Variants in IGSF3 observed in about 807,000 individuals in gnomAD.
IGSF3 encodes the protein glu-Trp-Ile EWI motif-containing protein 3.
A neutral mutation model predicts 114.4 loss-of-function variants in IGSF3; 23 were observed. That is an observed-to-expected ratio of 0.20 (90% CI 0.14 to 0.28). IGSF3 has a LOEUF of 0.28. IGSF3 is among the 10% of genes least tolerant of loss of function. The pLI is 1.00. For missense variants in IGSF3, 1,172 were observed against 1,591.5 expected (o/e 0.74, Z 4.48); for synonymous variants, 571 against 645.2 (o/e 0.88, Z 1.74).
Position 116,603,273 on chromosome 1 carries a change from C to T in IGSF3, c.1624+351G>A, listed in dbSNP as rs560235596. On this transcript the variant is annotated intron_variant, in intron 6 of 10. Transcript: ENST00000369486. This position sits in a 1 kb window ranked among gnomAD's most constrained non-coding sequence, Gnocchi z 7.1. ...AGGCCAGGCTGGCAGTGGCCATGCT[C>T]CTCCACCTGGGGCCACCACTATGGC... Among the ~76,000 whole-genome samples the T allele has an allele frequency of 7.2e-5, 11 of 152,278 alleles. No individual in the cohort carries two copies. Among genetic ancestry groups the T allele is most frequent in the Admixed American group, 3.9e-4 (6 of 15,308 alleles).
intron 2 of IGSF3, among the ~76,000 whole-genome samples, chr1:116,656,689 C>G (rs1648867625): frequency 6.6e-6 from 1 of 152,138 alleles, no homozygotes; most frequent in Non-Finnish European, 1.5e-5. Context: ...CTTTGGGAGT[C>G]TGGAGCAGCA....
At position 116,612,138 on chromosome 1, in the gene IGSF3, G is replaced by A. The variant is rs1162610013; in HGVS notation, c.832+1627C>T. Among the ~76,000 whole-genome samples, 1 of 151,444 alleles carries A rather than the reference G, an allele frequency of 6.6e-6. No individual in the cohort carries two copies. Among genetic ancestry groups the A allele is most frequent in the African/African-American group, 2.5e-5 (1 of 40,782 alleles). On this transcript the variant is annotated intron_variant, in intron 4 of 10. Coordinates refer to ENST00000369486, the MANE Select transcript of IGSF3 (RefSeq NM_001007237.3). This position sits in a 1 kb window ranked among gnomAD's most constrained non-coding sequence, Gnocchi z 4.1. ...ATTAAAATAAAGAAGATTAACTGAT[G>A]CAACCTAATTTAAAAGCATTAAGAC...
rs1330300445 is a variant in IGSF3, at chr1:116,612,597, G to A, written c.832+1168C>T. Among the ~76,000 whole-genome samples the A allele has an allele frequency of 2.6e-5, 4 of 152,350 alleles. No homozygotes were observed. Among genetic ancestry groups the A allele is most frequent in the Non-Finnish European group, 5.9e-5 (4 of 68,038 alleles). ...TATGCAAAGACCCAGACAACTGACT[G>A]CAGCAAATGGAACAGGGAGCCCAAG... is the stretch of plus-strand genomic sequence containing the variant. On this transcript the variant is annotated intron_variant, in intron 4 of 10. Coordinates refer to ENST00000369486, the MANE Select transcript of IGSF3 (RefSeq NM_001007237.3). This position sits in a 1 kb window ranked among gnomAD's most constrained non-coding sequence, Gnocchi z 4.1.
rs1648160656 is a variant in IGSF3 at position 116,642,647 on chromosome 1, G to A, written c.43+23637C>T. On this transcript the variant is annotated intron_variant, in intron 2 of 10. Coordinates refer to ENST00000369486, the MANE Select transcript of IGSF3 (RefSeq NM_001007237.3). The surrounding 1 kb of genome is among the most constrained non-coding windows in gnomAD (Gnocchi z 5.4). ...AGCCTCACAAGAATTAAAATTGATG[G>A]TTGGAACTGGGCGCTCCGAGGCTGT... Among the ~76,000 whole-genome samples the A allele has an allele frequency of 6.6e-6, 1 of 152,228 alleles. No individual in the cohort carries two copies. Among genetic ancestry groups the A allele is most frequent in the African/African-American group, 2.4e-5 (1 of 41,464 alleles).
chr1:116,590,385 A>C (rs1205705280), intron 7 of IGSF3, among the ~76,000 whole-genome samples: 4 of 151,866 alleles, frequency 2.6e-5, no homozygotes, highest in African/African-American at 9.7e-5. Context: ...AAAAAAAAAC[A>C]AAAAAACAAT....
rs1007404997 is a variant in IGSF3, at chr1:116,627,095, C to T, written c.44-10638G>A. Among the ~76,000 whole-genome samples, 93 of 152,160 alleles carry T rather than the reference C, an allele frequency of 6.1e-4. No homozygotes were observed. The highest frequency in any genetic ancestry group is 2.0e-3 in the African/African-American group (84 of 41,506). Reference sequence around the variant, plus strand: ...AATTACTCTGACCGCTCTTTCTTTCCGTCCGGTTTTGGAGATAACAGAAAT... The same window carrying T: ...AATTACTCTGACCGCTCTTTCTTTCTGTCCGGTTTTGGAGATAACAGAAAT... On this transcript the variant is annotated intron_variant, in intron 2 of 10. Transcript: ENST00000369486. This position sits in a 1 kb window ranked among gnomAD's most constrained non-coding sequence, Gnocchi z 4.7.
In IGSF3 at chr1:116,619,333, G is replaced by T. The variant is rs573764645; in HGVS notation, c.44-2876C>A. Among the ~76,000 whole-genome samples the T allele has an allele frequency of 3.3e-5, 5 of 152,260 alleles. No homozygotes were observed. In the South Asian group the frequency reaches 1.0e-3, roughly 32 times the overall value. Reference sequence around the variant, plus strand: ...GGCACTCGGCCAGCGGATCATGCACGTCCTCCCCACCCAATGGTAAACAGT... The same window carrying T: ...GGCACTCGGCCAGCGGATCATGCACTTCCTCCCCACCCAATGGTAAACAGT... On this transcript the variant is annotated intron_variant, in intron 2 of 10. Transcript: ENST00000369486.
Position 116,603,637 on chromosome 1 carries a change from G to A in IGSF3, c.1611C>T (p.Ser537=), listed in dbSNP as rs1660683596. The change falls in exon 6 of 11, where the codon TCC becomes TCT. Residue 537 remains serine, a synonymous_variant. Coordinates refer to ENST00000369486, the MANE Select transcript of IGSF3 (RefSeq NM_001007237.3). This position sits in a 1 kb window ranked among gnomAD's most constrained non-coding sequence, Gnocchi z 7.1. ...VGERRASTPI[S]ITALEMGFAV... ...CCGCTCACTCACCAAGAGCTGTGAT[G>A]GAGATGGGAGTGCTGGCCCGGCGCT... 2.5e-6 allele frequency: 4 copies of A among 1,613,550 alleles called. No individual in the cohort carries two copies. Among genetic ancestry groups the A allele is most frequent in the Non-Finnish European group, 1.7e-6 (2 of 1,179,596 alleles).
rs1412036228 is a variant in IGSF3, at chr1:116,595,645, G to A, written c.2029+4296C>T. ...GACAAGTCGGCTTTCCACCACTAGAGGCTGTCCTCATGGAAGCTTGTTTAT... is the reference window on the plus strand; with the variant it reads ...GACAAGTCGGCTTTCCACCACTAGAAGCTGTCCTCATGGAAGCTTGTTTAT... On this transcript the variant is annotated intron_variant, in intron 7 of 10. Transcript: ENST00000369486. This position sits in a 1 kb window ranked among gnomAD's most constrained non-coding sequence, Gnocchi z 4.2. 6.6e-6 allele frequency among the ~76,000 whole-genome samples: 1 copy of A among 152,156 alleles called. No homozygotes were observed.
rs748212667 is a variant in IGSF3, at chr1:116,610,198, G to C, written c.833-1867C>G. On this transcript the variant is annotated intron_variant, in intron 4 of 10. Coordinates refer to ENST00000369486, the MANE Select transcript of IGSF3 (RefSeq NM_001007237.3). This position sits in a 1 kb window ranked among gnomAD's most constrained non-coding sequence, Gnocchi z 4.3. ...ATTATCTCTCAGGTCAACCCAGTTA[G>C]TCATTTATAACCCAACATCAATGAC... Among the ~76,000 whole-genome samples the C allele has an allele frequency of 2.6e-5, 4 of 152,228 alleles. No homozygotes were observed. The highest frequency in any genetic ancestry group is 5.9e-5 in the Non-Finnish European group (4 of 68,046).
intron 4 of IGSF3, among the ~76,000 whole-genome samples, chr1:116,611,211 C>T (rs1171665538): frequency 7.9e-5 from 12 of 152,188 alleles, no homozygotes; most frequent in Non-Finnish European, 1.6e-4. Flanking sequence ...TTACTCCCTG[C>T]TTAAAAATCT....
At chr1:116,581,320 CTTTTTT>C (rs955415319) in intron 9 of IGSF3, among the ~76,000 whole-genome samples, 2 of 70,592 alleles carry the variant, frequency 2.8e-5, no homozygotes, top group African/African-American at 5.3e-5. Context: ...GTTTTGCTGT[CTTTTTT>C]TTTTTTTTTT....
chr1:116,644,914 A>G lies in IGSF3; in HGVS notation c.43+21370T>C, dbSNP rs1019466207. ...CAAAAGTACCCGGTCCCCTTCATAC[A>G]TGGCTGGTGGGGAGGTAGGATGGTG... On this transcript the variant is annotated intron_variant, in intron 2 of 10. Transcript: ENST00000369486. The surrounding 1 kb of genome is among the most constrained non-coding windows in gnomAD (Gnocchi z 5.6). Among the ~76,000 whole-genome samples, 2 of 152,206 alleles carry G rather than the reference A, an allele frequency of 1.3e-5. No individual in the cohort carries two copies. Among genetic ancestry groups the G allele is most frequent in the African/African-American group, 4.8e-5 (2 of 41,446 alleles).
intron 2 of IGSF3, among the ~76,000 whole-genome samples, chr1:116,623,995 G>A (rs1661497282): frequency 1.3e-5 from 2 of 151,286 alleles, no homozygotes; most frequent in South Asian, 4.2e-4. Flanking sequence ...GCTGAGGCAG[G>A]AGAATCGCTT....
rs951812094 is a variant in IGSF3, at chr1:116,634,036, T to C, written c.44-17579A>G. ...ATGTGTACAGTCAGCATCAAAGAGG[T>C]AACAATGGTAGAGAATATTTTCTGA... On this transcript the variant is annotated intron_variant, in intron 2 of 10. Transcript: ENST00000369486. This position sits in a 1 kb window ranked among gnomAD's most constrained non-coding sequence, Gnocchi z 4.2. Among the ~76,000 whole-genome samples, 5 of 152,124 alleles carry C rather than the reference T, an allele frequency of 3.3e-5. No individual in the cohort carries two copies. Among genetic ancestry groups the C allele is most frequent in the Non-Finnish European group, 7.4e-5 (5 of 68,008 alleles).
rs896439669 is a variant in IGSF3, at chr1:116,647,204, C to T, written c.43+19080G>A. Among the ~76,000 whole-genome samples, 2 of 152,242 alleles carry T rather than the reference C, an allele frequency of 1.3e-5. No individual in the cohort carries two copies. Among genetic ancestry groups the T allele is most frequent in the African/African-American group, 4.8e-5 (2 of 41,468 alleles). ...GCCCAAATGACCGGCTGAGGAATCA[C>T]CTCACTGCTGCCGATGCCCTTGACA... On this transcript the variant is annotated intron_variant, in intron 2 of 10. Transcript: ENST00000369486. This position sits in a 1 kb window ranked among gnomAD's most constrained non-coding sequence, Gnocchi z 4.6.
In IGSF3 at chr1:116,579,608, C is replaced by T. The variant is rs1187040681; in HGVS notation, c.3118G>A (p.Ala1040Thr). The T allele has an allele frequency of 1.9e-6, 3 of 1,614,080 alleles. No homozygotes were observed. Among genetic ancestry groups the T allele is most frequent in the Non-Finnish European group, 2.5e-6 (3 of 1,180,050 alleles). Residue 1040 changes from alanine to threonine, a missense_variant, in exon 10 of 11, where the codon GCT becomes ACT. Ala to Thr is a moderately conservative substitution (Grantham distance 58, BLOSUM62 0). Transcript: ENST00000369486. This position sits in a 1 kb window ranked among gnomAD's most constrained non-coding sequence, Gnocchi z 6.4. ...RTALLSVGPD[A>T]VFGPEGSPWE... ...GGACTGCCCTCTGGGCCAAAGACAG[C>T]ATCTGGGCCCACGCTCAGCAGGGCC...
In IGSF3 at chr1:116,632,528, C is replaced by T. The variant is rs1205616449; in HGVS notation, c.44-16071G>A. ...CCTCGCAGGCAGAGAAGAAAGCAAACCTGGAAGGCAACAAATGGACACGTG... is the reference window on the plus strand; with the variant it reads ...CCTCGCAGGCAGAGAAGAAAGCAAATCTGGAAGGCAACAAATGGACACGTG... On this transcript the variant is annotated intron_variant, in intron 2 of 10. Transcript: ENST00000369486. This position sits in a 1 kb window ranked among gnomAD's most constrained non-coding sequence, Gnocchi z 5.1. Among the ~76,000 whole-genome samples the T allele has an allele frequency of 1.3e-5, 2 of 152,192 alleles. No homozygotes were observed. Among genetic ancestry groups the T allele is most frequent in the African/African-American group, 4.8e-5 (2 of 41,442 alleles).
intron 2 of IGSF3, among the ~76,000 whole-genome samples, chr1:116,622,279 C>T (rs142374184): frequency 0.018 from 2,812 of 152,224 alleles, 88 homozygotes; most frequent in African/African-American, 0.064. Flanking sequence ...AGCAAACTCA[C>T]AGGAGACCCT....
Sources: gnomAD v4.1 joint callset for allele counts (sites outside exome capture counted in the v4.1 genomes callset) on GRCh38, gnomAD v4.1.1 for gene constraint, Gnocchi (gnomAD v3.1) non-coding constraint, MANE v1.5 for transcripts, NCBI Gene and HGNC (gene_info 2026-07-23, HGNC 2026-07-21) for gene names.